RASGEF1B: variants seen among roughly 807,000 people sequenced by gnomAD.
RASGEF1B encodes RasGEF domain family member 1B, also known as ras-GEF domain-containing family member 1B.
A neutral mutation model predicts 65.7 loss-of-function variants in RASGEF1B; 30 were observed. The observed-to-expected ratio is 0.46, with a 90% CI of 0.34 to 0.62. The LOEUF (loss-of-function observed/expected upper bound fraction) is 0.62. Ranked by LOEUF, RASGEF1B falls within the 20% of genes least tolerant of loss-of-function variation. The probability of loss-of-function intolerance (pLI) is 0.01; values close to 1 mark genes in which losing one functional copy is unlikely to be tolerated. For missense variants in RASGEF1B, 495 were observed against 580.1 expected (o/e 0.85, Z 1.51); for synonymous variants, 175 against 194.8 (o/e 0.90, Z 0.85).
chr4:81,449,373 A>G (rs1044498707), intron 4 of RASGEF1B, among the ~76,000 whole-genome samples: 1 of 152,246 alleles, frequency 6.6e-6, no homozygotes, highest in Non-Finnish European at 1.5e-5. Context: ...TGTAGTTTAG[A>G]TAACTGTCAA....
At chr4:81,453,518 CTT>C (rs1374539267) in intron 4 of RASGEF1B, 1 of 152,174 alleles carries the variant, frequency 6.6e-6, no homozygotes, top group Non-Finnish European at 1.5e-5. Context: ...TCAGTACAGA[CTT>C]AATATTTTTT....
intron 12 of RASGEF1B, among the ~76,000 whole-genome samples, chr4:81,433,462 G>T (rs1486485055): frequency 2.0e-5 from 3 of 151,854 alleles, no homozygotes; most frequent in Admixed American, 1.3e-4. Flanking sequence ...TAAACGGCAG[G>T]GGGTAGCAAT....
At position 81,426,812 on chromosome 4, in the gene RASGEF1B, T is replaced by C. The variant is rs1039069132; in HGVS notation, c.*956A>G. The C allele has an allele frequency of 2.0e-5, 3 of 151,956 alleles. No homozygotes were observed. Among genetic ancestry groups the C allele is most frequent in the African/African-American group, 4.8e-5 (2 of 41,360 alleles). 9.4% of individuals were successfully genotyped at this position (151,956 alleles called of 1,614,324 possible). On this transcript the variant is annotated 3_prime_UTR_variant, in exon 14 of 14. Coordinates refer to ENST00000264400, the MANE Select transcript of RASGEF1B (RefSeq NM_152545.3). The stretch of plus-strand genomic sequence containing the variant: ...ACTCCCAAAAGTAATGAAAAGTCGA[T>C]TAAAAAGAAAATTGTAATTATGCCA...
intron 1 of RASGEF1B, 100 bp from the exon 2 acceptor site, chr4:81,459,614 A>G: frequency 1.1e-6 from 1 of 894,346 alleles, no homozygotes. Context: ...GTAACGAGAG[A>G]ATAGGCAATT....
chr4:81,439,554 A>G (rs1057161332), intron 10 of RASGEF1B, among the ~76,000 whole-genome samples: 1 of 152,200 alleles, frequency 6.6e-6, no homozygotes, highest in Non-Finnish European at 1.5e-5. Flanking sequence ...AGAGCCCACC[A>G]AGCCCTCACT....
chr4:81,471,793 G>C lies in RASGEF1B; in HGVS notation c.-30C>G, dbSNP rs1226954647. On this transcript the variant is annotated 5_prime_UTR_variant, in exon 1 of 14. Transcript: ENST00000264400. ...ACCTGCAGGTGAACTCCGAGTCCTC[G>C]GCCTCCCGGCTGCGTGCCGCGCGCC... 1 of 152,734 alleles carries C rather than the reference G, an allele frequency of 6.5e-6. No individual in the cohort carries two copies. Among genetic ancestry groups the C allele is most frequent in the African/African-American group, 2.4e-5 (1 of 41,446 alleles). The allele number at this position is 152,734 out of a possible 1,614,324, so 9.5% of individuals were successfully genotyped here.
At chr4:81,434,579 C>T in intron 11 of RASGEF1B, 60 bp downstream of exon 11, 1 of 930,058 alleles carries the variant, frequency 1.1e-6, no homozygotes, top group Non-Finnish European at 1.8e-6. Flanking sequence ...GAATGCGGTG[C>T]TGGAGAAGCT....
In RASGEF1B at chr4:81,433,957, A is replaced by C; in HGVS notation, c.1207T>G (p.Trp403Gly). Residue 403 changes from tryptophan (W) to glycine (G), a missense_variant, in exon 12 of 14, where the codon TGG becomes GGG. Coordinates refer to ENST00000264400, the MANE Select transcript of RASGEF1B (RefSeq NM_152545.3). The part of the protein sequence containing the change: ...PNGHVNFEKF[W>G]ELAKQVSEFM... ...TCACTCACTTGTTTGGCCAGTTCCC[A>C]AAATTTCTGGAAGATAAGTAAAAAA... is the stretch of plus-strand genomic sequence containing the variant. 1 of 1,613,058 alleles carries C rather than the reference A, an allele frequency of 6.2e-7. No homozygotes were observed. The highest frequency in any genetic ancestry group is 8.5e-7 in the Non-Finnish European group (1 of 1,179,342).
intron 12 of RASGEF1B, 95 bp from the exon 13 acceptor site, chr4:81,432,466 GCAAAATACTCTT>G: frequency 1.4e-6 from 1 of 700,132 alleles, no homozygotes; most frequent in East Asian, 2.6e-5. Flanking sequence ...AAACTCCATA[GCAAAATACTCTT>G]CAAAATATCA....
At chr4:81,445,004 C>T (rs186319821) in intron 8 of RASGEF1B, among the ~76,000 whole-genome samples, 15 of 152,214 alleles carry the variant, frequency 9.9e-5, no homozygotes, top group Middle Eastern at 3.4e-3. Context: ...ATATTGTTAC[C>T]ATACATATTT....
At chr4:81,443,427 C>A (rs1031170586) in intron 8 of RASGEF1B, among the ~76,000 whole-genome samples, 3 of 152,068 alleles carry the variant, frequency 2.0e-5, no homozygotes, top group Non-Finnish European at 4.4e-5. Flanking sequence ...TCCTTTGGAC[C>A]CTCTTTGGTC....
At chr4:81,460,356 C>T (rs532811538) in intron 1 of RASGEF1B, among the ~76,000 whole-genome samples, 1 of 152,102 alleles carries the variant, frequency 6.6e-6, no homozygotes, top group African/African-American at 2.4e-5. Context: ...CGGCACCCGG[C>T]CCTGAGAACA....
chr4:81,434,538 A>G, intron 11 of RASGEF1B, 101 bp downstream of exon 11: 1 of 725,084 alleles, frequency 1.4e-6, no homozygotes, highest in Non-Finnish European at 2.5e-6. Context: ...TTGTTCTGAA[A>G]CTGCAGAATT....
chr4:81,441,361 A>T (rs1246963975), intron 9 of RASGEF1B, among the ~76,000 whole-genome samples: 1 of 152,160 alleles, frequency 6.6e-6, no homozygotes, highest in African/African-American at 2.4e-5. Context: ...AAGGAAAATA[A>T]ATGTATTAGG....
At chr4:81,434,598 C>T in intron 11 of RASGEF1B, 41 bp downstream of exon 11, 5 of 1,201,760 alleles carry the variant, frequency 4.2e-6, no homozygotes, top group Non-Finnish European at 5.0e-6. Flanking sequence ...CTGCCCCTCT[C>T]CTTGTGCTTG....
intron 4 of RASGEF1B, among the ~76,000 whole-genome samples, chr4:81,449,643 T>C (rs1290822587): frequency 6.6e-6 from 1 of 152,220 alleles, no homozygotes; most frequent in Non-Finnish European, 1.5e-5. Flanking sequence ...TAGAAAGGCC[T>C]ATGTTTATGG....
intron 13 of RASGEF1B, among the ~76,000 whole-genome samples, chr4:81,428,243 C>T (rs560901023): frequency 1.2e-4 from 18 of 152,186 alleles, no homozygotes; most frequent in South Asian, 8.3e-4. Flanking sequence ...GATGAATCTA[C>T]GTGTCTGCAA....
chr4:81,442,157 C>T (rs1399580645), intron 9 of RASGEF1B, 140 bp downstream of exon 9: 6 of 643,124 alleles, frequency 9.3e-6, no homozygotes, highest in African/African-American at 7.3e-5. Flanking sequence ...CAATTCTACC[C>T]ACTTTCCTTT....
rs574699595 is a variant in RASGEF1B at position 81,459,154 on chromosome 4, C to T, written c.177+178G>A. The T allele has an allele frequency of 3.9e-5, 22 of 566,252 alleles. No homozygotes were observed. In the Admixed American group the frequency reaches 4.3e-4, roughly 11 times the overall value. The allele number at this position is 566,252 out of a possible 1,614,324, so 35.1% of individuals were successfully genotyped here. ...ATTGATACACATAGTATACCAAAAT[C>T]TGATCCTTATCCAGGCTCGATTTGA... On this transcript the variant is annotated intron_variant, in intron 2 of 13. Transcript: ENST00000264400.
Sources: gnomAD v4.1 joint callset for allele counts (sites outside exome capture counted in the v4.1 genomes callset) on GRCh38, gnomAD v4.1.1 for gene constraint, MANE v1.5 for transcripts, NCBI Gene and HGNC (gene_info 2026-07-23, HGNC 2026-07-21) for gene names.